The following TRPM3 variants were observed in gnomAD, a reference collection of about 807,000 sequenced individuals.
TRPM3 encodes the protein transient receptor potential cation channel subfamily M member 3, also known as long transient receptor potential channel 3.
TRPM3 carries 77 observed loss-of-function variants against 181.2 expected under a neutral mutation model. The observed-to-expected ratio is 0.42, with a 90% CI of 0.35 to 0.51. The LOEUF (loss-of-function observed/expected upper bound fraction) is 0.51. TRPM3 is among the 20% of genes least tolerant of loss of function. The pLI, the probability that TRPM3 is intolerant of heterozygous loss-of-function variation, is 0.01. For missense variants in TRPM3, 1,759 were observed against 2,196.7 expected (o/e 0.80, Z 3.98); for synonymous variants, 745 against 796.4 (o/e 0.94, Z 1.09).
chr9:70,608,568 G>T (rs1315416528), intron 19 of TRPM3, among the ~76,000 whole-genome samples: 1 of 152,128 alleles, frequency 6.6e-6, no homozygotes, highest in Non-Finnish European at 1.5e-5. Context: ...GGGCGCAGTG[G>T]TTATTGCCTG....
chr9:71,006,715 C>A (rs1347657867), intron 1 of TRPM3, among the ~76,000 whole-genome samples: 1 of 151,578 alleles, frequency 6.6e-6, no homozygotes, highest in Non-Finnish European at 1.5e-5. Flanking sequence ...ACTAAAAATA[C>A]AAAAAATTAG....
At chr9:71,384,397 A>G (rs10120617) in intron 1 of TRPM3, among the ~76,000 whole-genome samples, 3,915 of 152,332 alleles carry the variant, frequency 0.026, 101 homozygotes, top group African/African-American at 0.064. Context: ...GTAAAGCATA[A>G]TAGAAAAGAT....
chr9:71,087,098 A>T (rs2065405571), intron 1 of TRPM3, among the ~76,000 whole-genome samples: 1 of 152,010 alleles, frequency 6.6e-6, no homozygotes, highest in Non-Finnish European at 1.5e-5. Context: ...AAAAACTTTT[A>T]TATATCTCTG....
At position 70,827,923 on chromosome 9, in the gene TRPM3, G is replaced by A; in HGVS notation, c.897C>T (p.Thr299=). 1 of 1,614,096 alleles carries A rather than the reference G, an allele frequency of 6.2e-7. No individual in the cohort carries two copies. ...HSHFILADNG[T]TGKYGAEVKL... ...TCACCTCTGCTCCATATTTTCCAGT[G>A]GTCCCGTTGTCAGCCAGAATGAAGT... Residue 299 remains threonine (T), a synonymous_variant, in exon 6 of 26, where the codon ACC becomes ACT. Coordinates refer to ENST00000677713, the MANE Select transcript of TRPM3 (RefSeq NM_001366145.2).
At chr9:71,064,059 C>T (rs1441501027) in intron 1 of TRPM3, among the ~76,000 whole-genome samples, 3 of 151,970 alleles carry the variant, frequency 2.0e-5, no homozygotes, top group African/African-American at 7.2e-5. Flanking sequence ...TATGGAGTTC[C>T]CATTAAAGAA....
intron 1 of TRPM3, among the ~76,000 whole-genome samples, chr9:71,109,992 T>C (rs1302334314): frequency 3.9e-5 from 6 of 152,176 alleles, no homozygotes; most frequent in East Asian, 1.9e-4. Flanking sequence ...TTTCAATATA[T>C]ATATTTTTGT....
At chr9:71,283,370 C>T (rs1010917602) in intron 1 of TRPM3, among the ~76,000 whole-genome samples, 2 of 152,132 alleles carry the variant, frequency 1.3e-5, no homozygotes, top group Admixed American at 1.3e-4. Flanking sequence ...GATCTTGGCT[C>T]ACTGCAAGCT....
In TRPM3 at chr9:70,540,850, G is replaced by A. The variant is rs112074753; in HGVS notation, c.3708-3445C>T. Among the ~76,000 whole-genome samples, 899 of 152,316 alleles carry A rather than the reference G, an allele frequency of 5.9e-3. 9 individuals carry two copies. Among genetic ancestry groups the A allele is most frequent in the African/African-American group, 0.02 (827 of 41,580 alleles). On this transcript the variant is annotated intron_variant, in intron 25 of 25. Transcript: ENST00000677713. The stretch of plus-strand genomic sequence containing the variant: ...GCAATCCTCCACTGTAGCCTCCTGA[G>A]TAGCTGGAACCACAGGCATGCACCA...
At chr9:70,605,604 G>T (rs949458613) in intron 19 of TRPM3, among the ~76,000 whole-genome samples, 8 of 152,188 alleles carry the variant, frequency 5.3e-5, no homozygotes, top group Non-Finnish European at 1.0e-4. Context: ...AATGGAACTT[G>T]GTTCATATGG....
intron 1 of TRPM3, among the ~76,000 whole-genome samples, chr9:71,311,027 T>C (rs2087877569): frequency 6.6e-6 from 1 of 152,180 alleles, no homozygotes; most frequent in Non-Finnish European, 1.5e-5. Context: ...ATAAGGATTA[T>C]TCCAGAATTG....
chr9:71,007,570 T>C (rs2097693478), intron 1 of TRPM3, among the ~76,000 whole-genome samples: 1 of 152,118 alleles, frequency 6.6e-6, no homozygotes, highest in Non-Finnish European at 1.5e-5. Context: ...AGGAGGAATG[T>C]TAGAAAGTGT....
At chr9:71,417,326 G>C (rs1240711544) in intron 1 of TRPM3, among the ~76,000 whole-genome samples, 1 of 151,928 alleles carries the variant, frequency 6.6e-6, no homozygotes, top group African/African-American at 2.4e-5. Context: ...ATTAATTTTA[G>C]CCAATCTAAT....
chr9:71,286,801 T>A (rs1487732246), intron 1 of TRPM3, among the ~76,000 whole-genome samples: 2 of 151,662 alleles, frequency 1.3e-5, no homozygotes. Flanking sequence ...GTCTTTTTCC[T>A]GTTTTTCAAA....
At chr9:71,381,080 A>C (rs528260560) in intron 1 of TRPM3, among the ~76,000 whole-genome samples, 3 of 152,108 alleles carry the variant, frequency 2.0e-5, no homozygotes, top group Non-Finnish European at 4.4e-5. Context: ...TACACTTAAG[A>C]AATACAAGAC....
intron 1 of TRPM3, among the ~76,000 whole-genome samples, chr9:71,332,476 C>T (rs943405685): frequency 4.7e-5 from 7 of 149,912 alleles, no homozygotes; most frequent in East Asian, 3.9e-4. Flanking sequence ...CTAAGAGAGA[C>T]GTTTTATTAA....
intron 1 of TRPM3, among the ~76,000 whole-genome samples, chr9:71,082,823 A>G (rs2133782128): frequency 6.6e-6 from 1 of 152,290 alleles, no homozygotes; most frequent in African/African-American, 2.4e-5. Flanking sequence ...GAGACACACC[A>G]CAAGGAGAAT....
intron 6 of TRPM3, among the ~76,000 whole-genome samples, chr9:70,802,105 T>C (rs1295935365): frequency 2.6e-5 from 4 of 152,204 alleles, no homozygotes; most frequent in Non-Finnish European, 5.9e-5. Context: ...CCCAGGACCA[T>C]ACTTTGAGAA....
intron 25 of TRPM3, among the ~76,000 whole-genome samples, chr9:70,544,147 A>G (rs2044254832): frequency 6.6e-6 from 1 of 152,134 alleles, no homozygotes; most frequent in Non-Finnish European, 1.5e-5. Context: ...ACCCTTAAGA[A>G]CCAATGGGAA....
intron 1 of TRPM3, among the ~76,000 whole-genome samples, chr9:70,986,746 A>G (rs2097425832): frequency 6.6e-6 from 1 of 152,156 alleles, no homozygotes; most frequent in Non-Finnish European, 1.5e-5. Context: ...GAATGTGCAA[A>G]AACAGATGTA....
Sources: gnomAD v4.1 joint callset for allele counts (sites outside exome capture counted in the v4.1 genomes callset) on GRCh38, gnomAD v4.1.1 for gene constraint, MANE v1.5 for transcripts, NCBI Gene and HGNC (gene_info 2026-07-23, HGNC 2026-07-21) for gene names.